Variants in TBC1D14 observed in about 807,000 individuals in gnomAD.
The protein encoded by TBC1D14 is TBC1 domain family member 14.
A neutral mutation model predicts 79.0 loss-of-function variants in TBC1D14; 26 were observed. That is an observed-to-expected ratio of 0.33 (90% CI 0.24 to 0.46). The LOEUF (loss-of-function observed/expected upper bound fraction) is 0.46. Ranked by LOEUF, TBC1D14 falls within the 20% of genes least tolerant of loss-of-function variation. TBC1D14 has a pLI of 1.00. For synonymous variants in TBC1D14, 394 were observed against 349.9 expected, an observed-to-expected ratio of 1.13 and a Z score of -1.40; for missense variants, 769 against 887.6, an observed-to-expected ratio of 0.87 and a Z score of 1.70.
At chr4:7,029,555 G>C (rs545248897) in intron 13 of TBC1D14, among the ~76,000 whole-genome samples, 1 of 152,210 alleles carries the variant, frequency 6.6e-6, no homozygotes, top group Non-Finnish European at 1.5e-5. Flanking sequence ...AAAGAAGGGT[G>C]TTGGCCTGGC....
chr4:6,968,673 C>G (rs796155947), intron 3 of TBC1D14, among the ~76,000 whole-genome samples: 1 of 51,220 alleles, frequency 2.0e-5, no homozygotes, highest in Admixed American at 1.9e-4. Flanking sequence ...GGCTGACCGC[C>G]GGGAGGAGGC....
intron 3 of TBC1D14, among the ~76,000 whole-genome samples, chr4:6,990,925 A>G (rs528954049): frequency 6.6e-6 from 1 of 152,266 alleles, no homozygotes; most frequent in Admixed American, 6.5e-5. Context: ...TCCCTCCGGG[A>G]TCCTGGGAGT....
At chr4:6,985,828 G>A (rs1046376402) in intron 3 of TBC1D14, among the ~76,000 whole-genome samples, 7 of 152,066 alleles carry the variant, frequency 4.6e-5, no homozygotes, top group African/African-American at 1.7e-4. Context: ...CAAGGCGTTC[G>A]CTAATCCTTT....
intron 2 of TBC1D14, among the ~76,000 whole-genome samples, chr4:6,925,084 G>A (rs1449399036): frequency 3.9e-5 from 6 of 152,140 alleles, no homozygotes; most frequent in African/African-American, 9.7e-5. Context: ...CCTGAGGTCC[G>A]GAGTTCGAGA....
intron 3 of TBC1D14, among the ~76,000 whole-genome samples, chr4:6,978,693 TC>T (rs1419004039): frequency 7.3e-6 from 1 of 137,710 alleles, no homozygotes; most frequent in Non-Finnish European, 1.5e-5. Flanking sequence ...TGTCCCGTGA[TC>T]CTGCCAAATC....
At chr4:6,980,791 C>G (rs1717299471) in intron 3 of TBC1D14, among the ~76,000 whole-genome samples, 1 of 151,912 alleles carries the variant, frequency 6.6e-6, no homozygotes, top group South Asian at 2.1e-4. Context: ...TCTCGGCTCA[C>G]TGCAACCTCT....
intron 10 of TBC1D14, 36 bp from the exon 11 acceptor site, chr4:7,010,617 A>G (rs1720657000): frequency 1.2e-6 from 2 of 1,602,698 alleles, no homozygotes; most frequent in East Asian, 2.2e-5. Flanking sequence ...CCCTGTGGCC[A>G]CTGTGATTTT....
chr4:7,010,079 G>A (rs962824781), intron 10 of TBC1D14, 131 bp downstream of exon 10: 1 of 997,254 alleles, frequency 1.0e-6, no homozygotes, highest in Non-Finnish European at 1.6e-6. Flanking sequence ...AAGTCTCGTG[G>A]TAAGTGAGTT....
At chr4:6,914,506 A>G (rs1232397309) in intron 1 of TBC1D14, among the ~76,000 whole-genome samples, 2 of 152,216 alleles carry the variant, frequency 1.3e-5, no homozygotes, top group Admixed American at 6.5e-5. Flanking sequence ...CAGTGGAAAC[A>G]GTGAGTGCCT....
chr4:6,997,636 A>T (rs1719200015), intron 5 of TBC1D14, among the ~76,000 whole-genome samples: 1 of 152,078 alleles, frequency 6.6e-6, no homozygotes, highest in Non-Finnish European at 1.5e-5. Flanking sequence ...AAAAAAAAAT[A>T]ATAAAAATAT....
rs60999179 is a variant in TBC1D14 at position 6,958,376 on chromosome 4, T to TAC, written c.723-8902_723-8901dup. Among the ~76,000 whole-genome samples the TAC allele has an allele frequency of 4.7e-3, 697 of 149,158 alleles. 5 individuals are homozygous for TAC. Among genetic ancestry groups the TAC allele is most frequent in the Non-Finnish European group, 6.1e-3 (414 of 67,498 alleles). ...GGGTGATACACGTGATCCCCACATA[T>TAC]ACACACACACACACACACACACACA... On this transcript the variant is annotated intron_variant, in intron 2 of 13. Transcript: ENST00000409757.
chr4:6,936,333 C>T (rs1355181602), intron 2 of TBC1D14, among the ~76,000 whole-genome samples: 1 of 152,252 alleles, frequency 6.6e-6, no homozygotes, highest in Admixed American at 6.5e-5. Flanking sequence ...CTCCTTACCC[C>T]TGGAAACTAC....
intron 2 of TBC1D14, among the ~76,000 whole-genome samples, chr4:6,955,079 G>A (rs1714499462): frequency 6.6e-6 from 1 of 152,222 alleles, no homozygotes; most frequent in Non-Finnish European, 1.5e-5. Flanking sequence ...TTCCTGTGGA[G>A]GAGGTAGGAT....
intron 1 of TBC1D14, among the ~76,000 whole-genome samples, chr4:6,922,014 A>G (rs572502718): frequency 1.3e-5 from 2 of 152,128 alleles, no homozygotes; most frequent in South Asian, 2.1e-4. Flanking sequence ...AACTTTAGAC[A>G]TGCCCTTAGA....
chr4:6,978,255 T>C (rs7663671), intron 3 of TBC1D14, among the ~76,000 whole-genome samples: 36,337 of 143,668 alleles, frequency 0.25, 1,632 homozygotes, highest in Admixed American at 0.29. Context: ...AACAGCTCAT[T>C]GAGAACGGGC....
At chr4:7,011,215 G>A (rs1337027528) in intron 11 of TBC1D14, among the ~76,000 whole-genome samples, 1 of 152,122 alleles carries the variant, frequency 6.6e-6, no homozygotes, top group Non-Finnish European at 1.5e-5. Flanking sequence ...CCACACCCGG[G>A]AGAAAGGAGA....
intron 2 of TBC1D14, among the ~76,000 whole-genome samples, chr4:6,943,519 G>A (rs1713117358): frequency 6.6e-6 from 1 of 152,224 alleles, no homozygotes; most frequent in Admixed American, 6.5e-5. Flanking sequence ...AGTGGTGCCA[G>A]TGCTCAGAGC....
chr4:6,916,233 A>G (rs1478178265), intron 1 of TBC1D14, among the ~76,000 whole-genome samples: 2 of 152,002 alleles, frequency 1.3e-5, no homozygotes, highest in Non-Finnish European at 2.9e-5. Flanking sequence ...AGGATCAGAT[A>G]GGACAGTGGT....
intron 2 of TBC1D14, among the ~76,000 whole-genome samples, chr4:6,940,614 G>A (rs1008848449): frequency 2.0e-5 from 3 of 152,128 alleles, no homozygotes; most frequent in Non-Finnish European, 4.4e-5. Context: ...AGATGACGGG[G>A]GTGGGGGAGG....
Sources: gnomAD v4.1 joint callset for allele counts (sites outside exome capture counted in the v4.1 genomes callset) on GRCh38, gnomAD v4.1.1 for gene constraint, MANE v1.5 for transcripts, NCBI Gene and HGNC (gene_info 2026-07-23, HGNC 2026-07-21) for gene names.